The following PRKCB variants were observed in gnomAD, a reference collection of about 807,000 sequenced individuals.
PRKCB encodes protein kinase C beta type.
PRKCB carries 13 observed loss-of-function variants against 81.5 expected under a neutral mutation model. The ratio of observed to expected loss-of-function variants is 0.16; its 90% confidence interval spans 0.10 to 0.25. The LOEUF is 0.25. Ranked by LOEUF, PRKCB falls within the 10% of genes least tolerant of loss-of-function variation. PRKCB has a pLI of 1.00. For synonymous variants in PRKCB, 335 were observed against 321.4 expected, an observed-to-expected ratio of 1.04 and a Z score of -0.45; for missense variants, 509 against 875.7, an observed-to-expected ratio of 0.58 and a Z score of 5.29.
chr16:24,083,193 A>G (rs1966271198), intron 5 of PRKCB, among the ~76,000 whole-genome samples: 1 of 152,212 alleles, frequency 6.6e-6, no homozygotes, highest in Admixed American at 6.5e-5. Context: ...AATACTGTCA[A>G]TATGGTGTGC....
chr16:23,988,419 A>G, intron 2 of PRKCB, 89 bp from the exon 3 acceptor site: 1 of 1,038,920 alleles, frequency 9.6e-7, no homozygotes, highest in South Asian at 1.4e-5. Flanking sequence ...GTGAAGTTCA[A>G]GTTTAATGAT....
intron 5 of PRKCB, among the ~76,000 whole-genome samples, chr16:24,082,625 C>T (rs1208330358): frequency 6.6e-6 from 1 of 152,136 alleles, no homozygotes; most frequent in Non-Finnish European, 1.5e-5. Flanking sequence ...GGTCTTTCAA[C>T]AAATGATGTT....
At chr16:23,937,852 C>T (rs1380961090) in intron 2 of PRKCB, among the ~76,000 whole-genome samples, 2 of 152,170 alleles carry the variant, frequency 1.3e-5, no homozygotes, top group African/African-American at 2.4e-5. Flanking sequence ...TTAACTTGTG[C>T]AGTGGTTTGT....
intron 2 of PRKCB, among the ~76,000 whole-genome samples, chr16:23,919,394 A>AAT (rs887854700): frequency 1.6e-4 from 24 of 151,796 alleles, no homozygotes; most frequent in Non-Finnish European, 2.9e-4. Flanking sequence ...TTGCAAAAAA[A>AAT]AAAAAACCTC....
rs1244044087 is a variant in PRKCB, at chr16:24,052,472, C to T, written c.529+16925C>T. Among the ~76,000 whole-genome samples the T allele has an allele frequency of 2.6e-5, 4 of 152,212 alleles. No individual in the cohort carries two copies. In the East Asian group the frequency reaches 7.7e-4, roughly 29 times the overall value. On this transcript the variant is annotated intron_variant, in intron 5 of 16. Transcript: ENST00000643927. ...GAATAAAGCATGGCTACTCCACAGG[C>T]AGAGCAGCCCTAAAGCTGCTGGCTA... is the stretch of plus-strand genomic sequence containing the variant.
At chr16:24,060,629 G>T (rs971627264) in intron 5 of PRKCB, among the ~76,000 whole-genome samples, 1 of 152,160 alleles carries the variant, frequency 6.6e-6, no homozygotes, top group East Asian at 1.9e-4. Context: ...TTGCCCTGAG[G>T]GAGCTGCAGT....
At chr16:24,167,304 T>C (rs965326499) in intron 10 of PRKCB, among the ~76,000 whole-genome samples, 1 of 152,120 alleles carries the variant, frequency 6.6e-6, no homozygotes. Context: ...TCATTAGACA[T>C]GTTGAGAGGG....
intron 2 of PRKCB, among the ~76,000 whole-genome samples, chr16:23,927,825 T>A (rs540125849): frequency 6.6e-6 from 1 of 151,982 alleles, no homozygotes; most frequent in South Asian, 2.1e-4. Context: ...GAGGAACATG[T>A]TTTGAGGGAA....
At chr16:23,889,290 A>T (rs7190959) in intron 2 of PRKCB, among the ~76,000 whole-genome samples, 162 of 151,562 alleles carry the variant, frequency 1.1e-3, no homozygotes, top group Middle Eastern at 3.4e-3. Flanking sequence ...CAGTTTTAAA[A>T]CCTCTCCTTG....
At chr16:24,077,134 A>G (rs1966188257) in intron 5 of PRKCB, among the ~76,000 whole-genome samples, 1 of 151,666 alleles carries the variant, frequency 6.6e-6, no homozygotes, top group Non-Finnish European at 1.5e-5. Flanking sequence ...AGTACTGGTT[A>G]GCTTGTGCTT....
intron 5 of PRKCB, among the ~76,000 whole-genome samples, chr16:24,035,781 T>TG: frequency 6.6e-6 from 1 of 152,324 alleles, no homozygotes. Context: ...CACCCCAGGC[T>TG]GACTTGGGTT....
intron 2 of PRKCB, among the ~76,000 whole-genome samples, chr16:23,953,183 T>C (rs779210514): frequency 4.6e-5 from 7 of 152,154 alleles, no homozygotes; most frequent in Non-Finnish European, 7.4e-5. Flanking sequence ...CCTGACTCTG[T>C]TCTCTGGAGC....
intron 9 of PRKCB, among the ~76,000 whole-genome samples, chr16:24,130,362 T>C (rs1280498310): frequency 1.3e-5 from 2 of 152,172 alleles, no homozygotes. Context: ...AGAAGTCTTC[T>C]GTGAGAAAGT....
chr16:23,917,879 A>G (rs898527084), intron 2 of PRKCB, among the ~76,000 whole-genome samples: 3 of 152,308 alleles, frequency 2.0e-5, no homozygotes, highest in Middle Eastern at 3.4e-3. Flanking sequence ...TTAGAAACAC[A>G]TTTGCCTCCA....
intron 3 of PRKCB, among the ~76,000 whole-genome samples, chr16:24,004,887 A>T (rs1304091393): frequency 1.3e-5 from 2 of 152,198 alleles, no homozygotes; most frequent in African/African-American, 4.8e-5. Context: ...AAATGCATAG[A>T]TTTATCTAGA....
chr16:24,071,643 C>G (rs35502620), intron 5 of PRKCB, among the ~76,000 whole-genome samples: 170 of 152,034 alleles, frequency 1.1e-3, no homozygotes, highest in Non-Finnish European at 1.8e-3. Context: ...ACCTGCCTGG[C>G]TTGTCCGCTC....
rs55986931 is a variant in PRKCB, at chr16:23,950,132, A to AGTTTTTTTTTTTTTTTTTTTTTTT, written c.206-38376_206-38375insGTTTTTTTTTTTTTTTTTTTTTTT. 3.1e-5 allele frequency among the ~76,000 whole-genome samples: 3 copies of AGTTTTTTTTTTTTTTTTTTTTTTT among 97,774 alleles called. 1 individual carries two copies. Among genetic ancestry groups the AGTTTTTTTTTTTTTTTTTTTTTTT allele is most frequent in the Non-Finnish European group, 2.0e-5 (1 of 51,194 alleles). 64.1% of individuals were successfully genotyped at this position (97,774 alleles called of 152,430 possible). ...AGCAGCATTGGCCCCTATGATTTGA[A>AGTTTTTTTTTTTTTTTTTTTTTTT]TTTTTTTTTTTTTTTTTTTTTTTTT... is the stretch of plus-strand genomic sequence containing the variant. On this transcript the variant is annotated intron_variant, in intron 2 of 16. Coordinates refer to ENST00000643927, the MANE Select transcript of PRKCB (RefSeq NM_002738.7).
At chr16:24,167,173 G>A (rs1040467484) in intron 10 of PRKCB, among the ~76,000 whole-genome samples, 10 of 151,272 alleles carry the variant, frequency 6.6e-5, no homozygotes. Context: ...AGAACCAGGG[G>A]CTGGGTGTCG....
At chr16:23,901,315 T>A (rs924830083) in intron 2 of PRKCB, among the ~76,000 whole-genome samples, 1 of 151,982 alleles carries the variant, frequency 6.6e-6, no homozygotes, top group African/African-American at 2.4e-5. Flanking sequence ...ATCCTAAGGG[T>A]AAGTAGACAG....
Sources: allele counts gnomAD v4.1 joint callset (sites outside exome capture counted in the v4.1 genomes callset), GRCh38; gene constraint gnomAD v4.1.1; transcripts MANE v1.5; gene names NCBI Gene and HGNC (gene_info 2026-07-23, HGNC 2026-07-21).